Variants in SHISAL1 observed in about 807,000 individuals in gnomAD.
SHISAL1 encodes shisa like 1.
A neutral mutation model predicts 22.6 loss-of-function variants in SHISAL1; 9 were observed. The ratio of observed to expected loss-of-function variants is 0.40; its 90% confidence interval spans 0.24 to 0.70. SHISAL1 has a LOEUF of 0.70. Among genes scored for constraint, SHISAL1 ranks in the 30% least tolerant of loss-of-function variants. SHISAL1 has a pLI of 0.39. For synonymous variants in SHISAL1, 119 were observed against 115.4 expected (o/e 1.03, Z -0.20); for missense variants, 246 against 270.6 (o/e 0.91, Z 0.64).
chr22:44,293,244 C>T (rs760849058), intron 3 of SHISAL1, among the ~76,000 whole-genome samples: 2 of 152,198 alleles, frequency 1.3e-5, no homozygotes, highest in Non-Finnish European at 1.5e-5. Flanking sequence ...GAAGGAGCTG[C>T]GTCCTCCTCT....
At chr22:44,250,035 C>G (rs5764147) in intron 4 of SHISAL1, among the ~76,000 whole-genome samples, 51,788 of 151,966 alleles carry the variant, frequency 0.34, 10,829 homozygotes, top group African/African-American at 0.57. Flanking sequence ...CAGACATAGA[C>G]GTATAATAGT....
rs761892482 is a variant in SHISAL1 at position 44,260,478 on chromosome 22, G to A, written c.*-10793C>T. Among the ~76,000 whole-genome samples, 11 of 152,348 alleles carry A rather than the reference G, an allele frequency of 7.2e-5. No individual in the cohort carries two copies. In the South Asian group the frequency reaches 2.3e-3, roughly 32 times the overall value. On this transcript the variant is annotated intron_variant, in intron 4 of 4. Coordinates refer to ENST00000381176, the MANE Select transcript of SHISAL1 (RefSeq NM_001099294.2). ...GGACAGTGCCATTAGGCTGGTAAAGGTTGGGACAGAGGGAGCCCAGGGGCT... is the reference window on the plus strand; with the variant it reads ...GGACAGTGCCATTAGGCTGGTAAAGATTGGGACAGAGGGAGCCCAGGGGCT...
In SHISAL1 at chr22:44,247,431, T is replaced by TA. The variant is rs2055010675; in HGVS notation, c.*2253dup. ...CTAGTGGACAGGCTGTGCACCCCCT[T>TA]ACGGCAACATGGCCCTGGGACGGCT... is the stretch of plus-strand genomic sequence containing the variant. On this transcript the variant is annotated 3_prime_UTR_variant, in exon 5 of 5. Coordinates refer to ENST00000381176, the MANE Select transcript of SHISAL1 (RefSeq NM_001099294.2). The TA allele has an allele frequency of 6.6e-6, 1 of 152,288 alleles. No homozygotes were observed. The highest frequency in any genetic ancestry group is 1.5e-5 in the Non-Finnish European group (1 of 68,122). The allele number at this position is 152,288 out of a possible 1,614,324, so 9.4% of individuals were successfully genotyped here.
chr22:44,275,387 G>A (rs975792926), intron 4 of SHISAL1, among the ~76,000 whole-genome samples: 10 of 152,228 alleles, frequency 6.6e-5, no homozygotes, highest in Non-Finnish European at 1.3e-4. Flanking sequence ...CGAAGGGGCC[G>A]ACGGCGGATC....
intron 4 of SHISAL1, among the ~76,000 whole-genome samples, chr22:44,256,568 T>G (rs963356746): frequency 6.6e-6 from 1 of 152,234 alleles, no homozygotes; most frequent in African/African-American, 2.4e-5. Context: ...AGTCACCTTT[T>G]TAGTGATCCC....
intron 1 of SHISAL1, among the ~76,000 whole-genome samples, chr22:44,304,423 GAA>G: frequency 6.6e-6 from 1 of 152,372 alleles, no homozygotes; most frequent in African/African-American, 2.4e-5. Flanking sequence ...CTGACCTTGT[GAA>G]GTCTGGTTTG....
rs981013634 is a variant in SHISAL1 at position 44,311,398 on chromosome 22, T to C, written c.-33+1353A>G. The stretch of plus-strand genomic sequence containing the variant: ...GATCCCTCCCTCAGTGGATAACCAT[T>C]CCAGTGTATCCCTAATAAGGCTCTT... On this transcript the variant is annotated intron_variant, in intron 1 of 4. Transcript: ENST00000381176. Among the ~76,000 whole-genome samples the C allele has an allele frequency of 4.6e-5, 7 of 152,146 alleles. No individual in the cohort carries two copies. The East Asian group carries it at 1.3e-3, about 29-fold the overall frequency.
intron 4 of SHISAL1, among the ~76,000 whole-genome samples, chr22:44,278,217 C>T (rs1307377012): frequency 6.6e-6 from 1 of 152,182 alleles, no homozygotes; most frequent in Admixed American, 6.5e-5. Context: ...TCCCAGCCTC[C>T]ATCTTTCTCC....
At chr22:44,256,317 G>A (rs919205577) in intron 4 of SHISAL1, among the ~76,000 whole-genome samples, 1 of 151,768 alleles carries the variant, frequency 6.6e-6, no homozygotes, top group Non-Finnish European at 1.5e-5. Flanking sequence ...TCAGGCCCTC[G>A]ACTCACACTG....
chr22:44,325,157 C>T, the SHISAL1 span, among the ~76,000 whole-genome samples: 1 of 151,576 alleles, frequency 6.6e-6, no homozygotes, highest in East Asian at 1.9e-4. Flanking sequence ...GCAAGAGAAT[C>T]GCTTGAACCC....
chr22:44,308,308 G>T (rs1022546946), intron 1 of SHISAL1, among the ~76,000 whole-genome samples: 1 of 152,232 alleles, frequency 6.6e-6, no homozygotes, highest in South Asian at 2.1e-4. Flanking sequence ...GCGGCCCCCA[G>T]AGCCAGCTTT....
intron 1 of SHISAL1, among the ~76,000 whole-genome samples, chr22:44,305,927 A>T (rs1323814286): frequency 6.6e-6 from 1 of 152,222 alleles, no homozygotes; most frequent in Non-Finnish European, 1.5e-5. Flanking sequence ...CACGCCCCCA[A>T]GGCAGCTCAG....
chr22:44,286,836 G>T (rs1331167340), intron 3 of SHISAL1, among the ~76,000 whole-genome samples: 6 of 152,226 alleles, frequency 3.9e-5, no homozygotes, highest in African/African-American at 1.4e-4. Flanking sequence ...CGTGCCAGGG[G>T]CTGTGGCTGC....
chr22:44,260,585 G>A (rs773163923), intron 4 of SHISAL1, among the ~76,000 whole-genome samples: 3 of 152,222 alleles, frequency 2.0e-5, no homozygotes, highest in Non-Finnish European at 4.4e-5. Context: ...GTTTCCCCGG[G>A]AATGGTAAGC....
chr22:44,275,123 G>A (rs1471364273), intron 4 of SHISAL1, among the ~76,000 whole-genome samples: 1 of 152,326 alleles, frequency 6.6e-6, no homozygotes, highest in Non-Finnish European at 1.5e-5. Flanking sequence ...CGTGGGTGTT[G>A]CGTTTTTACC....
intron 4 of SHISAL1, among the ~76,000 whole-genome samples, chr22:44,261,900 C>T (rs2055127197): frequency 1.3e-5 from 2 of 152,252 alleles, no homozygotes; most frequent in Non-Finnish European, 2.9e-5. Flanking sequence ...CTCAGGCCCA[C>T]CAGTGCTCCC....
chr22:44,269,447 C>A (rs2055190084), intron 4 of SHISAL1, among the ~76,000 whole-genome samples: 1 of 143,222 alleles, frequency 7.0e-6, no homozygotes, highest in South Asian at 2.3e-4. Context: ...ACACACACAC[C>A]ATGCCACACA....
intron 4 of SHISAL1, among the ~76,000 whole-genome samples, chr22:44,278,570 C>T (rs1447745468): frequency 6.6e-6 from 1 of 152,136 alleles, no homozygotes; most frequent in Non-Finnish European, 1.5e-5. Flanking sequence ...TGACCGCAGC[C>T]CCCAGGGGCG....
Position 44,310,193 on chromosome 22 carries a change from G to A in SHISAL1, c.-33+2558C>T, listed in dbSNP as rs1431930515. Among the ~76,000 whole-genome samples the A allele has an allele frequency of 6.6e-6, 1 of 152,236 alleles. No homozygotes were observed. The highest frequency in any genetic ancestry group is 2.4e-5 in the African/African-American group (1 of 41,458). On this transcript the variant is annotated intron_variant, in intron 1 of 4. Transcript: ENST00000381176. This position sits in a 1 kb window ranked among gnomAD's most constrained non-coding sequence, Gnocchi z 4.0. The stretch of plus-strand genomic sequence containing the variant: ...TCACATCCCCGAACCCAGCCCTGCT[G>A]AGACCATTTCGTTTTTGCTCATCTC...
Sources: gnomAD v4.1 joint callset for allele counts (sites outside exome capture counted in the v4.1 genomes callset) on GRCh38, gnomAD v4.1.1 for gene constraint, Gnocchi (gnomAD v3.1) non-coding constraint, MANE v1.5 for transcripts, NCBI Gene and HGNC (gene_info 2026-07-23, HGNC 2026-07-21) for gene names.